The following DNAI7 variants were observed in gnomAD, a reference collection of about 807,000 sequenced individuals.
The protein encoded by DNAI7 is dynein axonemal intermediate chain 7, also known as cancer susceptibility 1.
DNAI7 carries 78 observed loss-of-function variants against 86.6 expected under a neutral mutation model. That is an observed-to-expected ratio of 0.90 (90% CI 0.75 to 1.09). The LOEUF is 1.09. DNAI7 is among the 50% of genes least tolerant of loss of function. DNAI7 has a pLI of 0.00. For synonymous variants in DNAI7, 274 were observed against 273.0 expected, an observed-to-expected ratio of 1.00 and a Z score of -0.04; for missense variants, 753 against 810.2, an observed-to-expected ratio of 0.93 and a Z score of 0.86.
Position 25,115,071 on chromosome 12 carries a change from C to T in DNAI7, c.1397-201G>A, listed in dbSNP as rs376128660. Reference sequence around the variant, plus strand: ...CACCTCCTCAGCATGGTAAGACCTTCAGAATGAAGCTTTGACTCACTTTCT... The same window carrying T: ...CACCTCCTCAGCATGGTAAGACCTTTAGAATGAAGCTTTGACTCACTTTCT... On this transcript the variant is annotated intron_variant, in intron 12 of 15. Coordinates refer to ENST00000395987, the MANE Select transcript of DNAI7 (RefSeq NM_018272.5). Among the ~76,000 whole-genome samples, 8 of 152,328 alleles carry T rather than the reference C, an allele frequency of 5.3e-5. No homozygotes were observed. In the East Asian group the frequency reaches 1.5e-3, roughly 29 times the overall value.
chr12:25,157,594 T>C (rs1946336784), intron 4 of DNAI7, among the ~76,000 whole-genome samples: 1 of 152,156 alleles, frequency 6.6e-6, no homozygotes, highest in Admixed American at 6.5e-5. Context: ...TAAAATTTAT[T>C]TTTATCAACA....
chr12:25,156,272 C>G (rs2140979728), intron 4 of DNAI7, among the ~76,000 whole-genome samples: 1 of 152,266 alleles, frequency 6.6e-6, no homozygotes, highest in Non-Finnish European at 1.5e-5. Flanking sequence ...TGAGAAATAT[C>G]ACTTGTGCAA....
rs144049672 is a variant in DNAI7 at position 25,158,687 on chromosome 12, T to C, written c.107-124A>G. On this transcript the variant is annotated intron_variant, in intron 3 of 15. Coordinates refer to ENST00000395987, the MANE Select transcript of DNAI7 (RefSeq NM_018272.5). ...CTTTTATAGAAGTCACAGTCTTTAT[T>C]ACATGGTAGATATGAGAAAAGTGTC... is the stretch of plus-strand genomic sequence containing the variant. The C allele has an allele frequency of 4.5e-4, 671 of 1,499,568 alleles. 8 individuals are homozygous for C. The East Asian group carries it at 0.017, about 38-fold the overall frequency. 92.9% of individuals were successfully genotyped at this position (1,499,568 alleles called of 1,614,324 possible). A position where few individuals can be genotyped will look rare whatever the true frequency, so the allele number is the denominator to read the frequency against.
chr12:25,109,909 C>T (rs1422887104), intron 15 of DNAI7, among the ~76,000 whole-genome samples: 1 of 152,096 alleles, frequency 6.6e-6, no homozygotes, highest in Non-Finnish European at 1.5e-5. Flanking sequence ...AACTCCTGAC[C>T]TCAGGTGATC....
chr12:25,130,387 A>C (rs1018389458), intron 9 of DNAI7, among the ~76,000 whole-genome samples: 1 of 151,982 alleles, frequency 6.6e-6, no homozygotes, highest in African/African-American at 2.4e-5. Context: ...AATACAAAAA[A>C]TTAGCCGGGC....
At chr12:25,158,352 T>A in intron 4 of DNAI7, 120 bp downstream of exon 4, 1 of 715,348 alleles carries the variant, frequency 1.4e-6, no homozygotes, top group Non-Finnish European at 2.3e-6. Context: ...TATGGTACGA[T>A]TAAGTTCATG....
intron 12 of DNAI7, among the ~76,000 whole-genome samples, chr12:25,116,390 G>A (rs1448923371): frequency 6.6e-6 from 1 of 151,920 alleles, no homozygotes; most frequent in Non-Finnish European, 1.5e-5. Context: ...TTTCCCCATG[G>A]TTTAAAAATT....
intron 9 of DNAI7, among the ~76,000 whole-genome samples, chr12:25,126,633 G>GA (rs1456324568): frequency 1.3e-5 from 2 of 151,990 alleles, no homozygotes; most frequent in Non-Finnish European, 2.9e-5. Context: ...CCAAAAAAAA[G>GA]AAAAAAGAAA....
intron 2 of DNAI7, among the ~76,000 whole-genome samples, chr12:25,181,005 G>A (rs1466348525): frequency 2.0e-5 from 3 of 151,976 alleles, no homozygotes; most frequent in Non-Finnish European, 4.4e-5. Context: ...ACGGGGTTTC[G>A]CCATGTTGGG....
Position 25,123,275 on chromosome 12 carries a change from C to T in DNAI7, c.1014G>A (p.Glu338=). 6.2e-7 allele frequency: 1 copy of T among 1,605,106 alleles called. No individual in the cohort carries two copies. Reference sequence around the variant, plus strand: ...CACATTTTATGGCTTCAGATTCTTCCTCAGCAGAACTCTATAAAAAACCAC... The same window carrying T: ...CACATTTTATGGCTTCAGATTCTTCTTCAGCAGAACTCTATAAAAAACCAC... The part of the protein sequence containing the change: ...GDIEVKMSSA[E]EESEAIKCER... Residue 338 remains glutamate (E), a synonymous_variant, in exon 10 of 16, where the codon GAG becomes GAA. Coordinates refer to ENST00000395987, the MANE Select transcript of DNAI7 (RefSeq NM_018272.5).
intron 13 of DNAI7, 34 bp from the exon 14 acceptor site, chr12:25,111,973 A>T (rs759645778): frequency 7.1e-7 from 1 of 1,416,420 alleles, no homozygotes. Flanking sequence ...GCTTTTATGT[A>T]AGTTAAATCA....
rs1203068975 is a variant in DNAI7 at position 25,158,564 on chromosome 12, C to A, written c.107-1G>T. On this transcript the variant is annotated splice_acceptor_variant, in intron 3 of 15. Coordinates refer to ENST00000395987, the MANE Select transcript of DNAI7 (RefSeq NM_018272.5). LOFTEE classifies it high-confidence loss of function. Reference sequence around the variant, plus strand: ...TTCTCATATTTCAAACGGGCTTCCTCTAAAGAACCAAAAATAATTTTTTTC... The same window carrying A: ...TTCTCATATTTCAAACGGGCTTCCTATAAAGAACCAAAAATAATTTTTTTC... 3.1e-6 allele frequency: 5 copies of A among 1,609,770 alleles called. No individual in the cohort carries two copies. Among genetic ancestry groups the A allele is most frequent in the South Asian group, 1.1e-5 (1 of 90,490 alleles).
At chr12:25,162,281 C>T (rs1022435561) in intron 2 of DNAI7, among the ~76,000 whole-genome samples, 1 of 152,076 alleles carries the variant, frequency 6.6e-6, no homozygotes, top group Non-Finnish European at 1.5e-5. Context: ...GAGAGAGTCT[C>T]ACAGAGGGAG....
intron 2 of DNAI7, among the ~76,000 whole-genome samples, chr12:25,182,978 G>GAGA (rs1555185168): frequency 0.064 from 8,851 of 139,312 alleles, 303 homozygotes; most frequent in South Asian, 0.1. Context: ...AGGGAGGAAG[G>GAGA]GAAGGAGAGA....
intron 13 of DNAI7, among the ~76,000 whole-genome samples, chr12:25,114,225 C>T (rs895809714): frequency 3.3e-5 from 5 of 152,186 alleles, no homozygotes; most frequent in African/African-American, 1.2e-4. Flanking sequence ...AGGCGTGAGC[C>T]ACTGCGCTCG....
chr12:25,110,711 A>G (rs1451035322), intron 14 of DNAI7, among the ~76,000 whole-genome samples: 1 of 152,148 alleles, frequency 6.6e-6, no homozygotes. Flanking sequence ...CACCCTATTT[A>G]ATATGGGTGT....
intron 4 of DNAI7, among the ~76,000 whole-genome samples, chr12:25,156,552 C>A (rs1165408542): frequency 6.6e-6 from 1 of 151,972 alleles, no homozygotes; most frequent in Non-Finnish European, 1.5e-5. Flanking sequence ...CAGGAGAGTT[C>A]GAGATCAGCC....
intron 14 of DNAI7, among the ~76,000 whole-genome samples, chr12:25,111,544 C>T (rs934378933): frequency 7.9e-5 from 12 of 152,038 alleles, no homozygotes; most frequent in Non-Finnish European, 1.8e-4. Flanking sequence ...CTAAACTGAC[C>T]GTCTGTGGAT....
chr12:25,163,410 G>A (rs1947058890), intron 2 of DNAI7, among the ~76,000 whole-genome samples: 1 of 152,014 alleles, frequency 6.6e-6, no homozygotes, highest in Non-Finnish European at 1.5e-5. Flanking sequence ...CTCTCCTACT[G>A]AGCACCTTGT....
Sources: gnomAD v4.1 joint callset for allele counts (sites outside exome capture counted in the v4.1 genomes callset) on GRCh38, gnomAD v4.1.1 for gene constraint, MANE v1.5 for transcripts, NCBI Gene and HGNC (gene_info 2026-07-23, HGNC 2026-07-21) for gene names.